Variants in SSH1 observed in about 807,000 individuals in gnomAD.
SSH1 encodes the protein slingshot protein phosphatase 1.
In SSH1, 43 loss-of-function variants were observed where a neutral mutation model predicts 79.7. The ratio of observed to expected loss-of-function variants is 0.54; its 90% CI spans 0.42 to 0.70. The LOEUF (loss-of-function observed/expected upper bound fraction) is 0.70, where lower values mean the gene tolerates loss of function less well. Among genes scored for constraint, SSH1 ranks in the 30% least tolerant of loss-of-function variants. The pLI is 0.00. For synonymous variants in SSH1, 599 were observed against 538.3 expected (o/e 1.11, Z -1.56); for missense variants, 1,206 against 1,358.8 (o/e 0.89, Z 1.77).
chr12:108,813,072 C>G (rs537942500), intron 5 of SSH1, among the ~76,000 whole-genome samples: 3 of 152,194 alleles, frequency 2.0e-5, no homozygotes, highest in African/African-American at 7.2e-5. Flanking sequence ...CACTATATTG[C>G]CCAGGCTGGT....
rs113106978 is a variant in SSH1, at chr12:108,851,659, C to T, written c.110+979G>A. The stretch of plus-strand genomic sequence containing the variant: ...GAAAAAACAAAAATGTTTTTGGTGT[C>T]CATTAGTGAATACATCAGCTGAGGA... On this transcript the variant is annotated intron_variant, in intron 2 of 14. Coordinates refer to ENST00000326495, the MANE Select transcript of SSH1 (RefSeq NM_018984.4). Among the ~76,000 whole-genome samples, 15 of 152,226 alleles carry T rather than the reference C, an allele frequency of 9.9e-5. 1 individual carries two copies. Among genetic ancestry groups the T allele is most frequent in the African/African-American group, 3.6e-4 (15 of 41,518 alleles).
Position 108,811,474 on chromosome 12 carries a change from T to A in SSH1, c.402-146A>T, listed in dbSNP as rs569888115. Reference sequence around the variant, plus strand: ...GCATAGGAACCGTTCACTGATGAATTCTAGAAGACACAGGTCTGGGATGGC... The same window carrying A: ...GCATAGGAACCGTTCACTGATGAATACTAGAAGACACAGGTCTGGGATGGC... On this transcript the variant is annotated intron_variant, in intron 5 of 14. Coordinates refer to ENST00000326495, the MANE Select transcript of SSH1 (RefSeq NM_018984.4). The A allele has an allele frequency of 4.1e-4, 304 of 740,028 alleles. 1 individual carries two copies. The African/African-American group carries it at 4.7e-3, about 12-fold the overall frequency. 45.8% of individuals were successfully genotyped at this position (740,028 alleles called of 1,614,324 possible). A position where few individuals can be genotyped will look rare whatever the true frequency, so the allele number is the denominator to read the frequency against.
chr12:108,823,292 G>T lies in SSH1; in HGVS notation c.180C>A (p.Gly60=). ...LFLQQGSSPQ[G]QRSLQHPHKH... The stretch of plus-strand genomic sequence containing the variant: ...TGTGGGGGTGCTGAAGACTCCGCTG[G>T]CCTTGAGGGCTGCTTCCCTGTTGTA... The change falls in exon 3 of 15, where the codon GGC becomes GGA. Residue 60 remains glycine (G), a synonymous_variant. Transcript: ENST00000326495. The T allele has an allele frequency of 6.3e-7, 1 of 1,590,088 alleles. No homozygotes were observed. Among genetic ancestry groups the T allele is most frequent in the Non-Finnish European group, 8.6e-7 (1 of 1,167,182 alleles).
At chr12:108,839,386 C>T (rs1265953039) in intron 2 of SSH1, among the ~76,000 whole-genome samples, 1 of 152,218 alleles carries the variant, frequency 6.6e-6, no homozygotes, top group Non-Finnish European at 1.5e-5. Context: ...CTGCAACAGA[C>T]ACAGCGTGGC....
rs565038904 is a variant in SSH1, at chr12:108,797,064, A to G, written c.1349+1936T>C. Among the ~76,000 whole-genome samples, 8 of 152,302 alleles carry G rather than the reference A, an allele frequency of 5.3e-5. No individual in the cohort carries two copies. The South Asian group carries it at 1.0e-3, about 20-fold the overall frequency. ...GCCCCTAATTTTCTGAAGAACCACCATACTGTTTTCCACAGCACCTGTACC... is the reference window on the plus strand; with the variant it reads ...GCCCCTAATTTTCTGAAGAACCACCGTACTGTTTTCCACAGCACCTGTACC... On this transcript the variant is annotated intron_variant, in intron 13 of 14. Transcript: ENST00000326495.
At chr12:108,849,254 T>A (rs1316303645) in intron 2 of SSH1, among the ~76,000 whole-genome samples, 1 of 152,278 alleles carries the variant, frequency 6.6e-6, no homozygotes, top group East Asian at 1.9e-4. Context: ...GACCTTTTAT[T>A]AGCAAGAAAA....
At chr12:108,809,644 G>T in intron 7 of SSH1, 49 bp downstream of exon 7, 5 of 1,522,414 alleles carry the variant, frequency 3.3e-6, no homozygotes, top group Non-Finnish European at 3.6e-6. Context: ...CATGCTGTCG[G>T]CTAAGAAAAT....
At chr12:108,791,971 T>G in intron 14 of SSH1, 1 of 1,312,616 alleles carries the variant, frequency 7.6e-7, no homozygotes, top group Non-Finnish European at 9.7e-7. Context: ...AAAAAGAAAT[T>G]GAGTTGGAAG....
At position 108,792,417 on chromosome 12, in the gene SSH1, C is replaced by T. The variant is rs1240198346; in HGVS notation, c.1762G>A (p.Glu588Lys). The T allele has an allele frequency of 1.2e-6, 2 of 1,614,218 alleles. No homozygotes were observed. The highest frequency in any genetic ancestry group is 1.7e-5 in the Admixed American group (1 of 60,030). The change falls in exon 14 of 15, where the codon GAG (glutamate) becomes AAG (lysine). Residue 588 changes from glutamate to lysine, a missense_variant. Glu to Lys is a moderately conservative substitution (Grantham distance 56). Around this residue, in one of 5 missense-constraint regions of SSH1, gnomAD observed 709 missense variants for 730.6 expected, o/e 0.97. Coordinates refer to ENST00000326495, the MANE Select transcript of SSH1 (RefSeq NM_018984.4). ...AGGCCCTCCTCCCTTTCCGTCTCCT[C>T]CACCTGCAGCAAGGAGCCGCTCCGA... ...KGRSGSLLQVEETEREEGLGA... is the reference protein window; with the variant it reads ...KGRSGSLLQVKETEREEGLGA...
At chr12:108,803,816 C>T (rs570589694) in intron 10 of SSH1, among the ~76,000 whole-genome samples, 2 of 152,154 alleles carry the variant, frequency 1.3e-5, no homozygotes, top group African/African-American at 2.4e-5. Flanking sequence ...CATGTACATA[C>T]ATTTTAATCA....
intron 1 of SSH1, 38 bp from the exon 2 acceptor site, chr12:108,852,716 C>G (rs780252792): frequency 2.5e-6 from 4 of 1,613,642 alleles, no homozygotes; most frequent in African/African-American, 1.3e-5. Flanking sequence ...CCACAGGCAC[C>G]ACTGTCAACA....
At position 108,792,587 on chromosome 12, in the gene SSH1, T is replaced by A; in HGVS notation, c.1592A>T (p.His531Leu). 6.2e-7 allele frequency: 1 copy of A among 1,612,828 alleles called. No homozygotes were observed. The highest frequency in any genetic ancestry group is 8.5e-7 in the Non-Finnish European group (1 of 1,179,230). Reference protein sequence around the residue: ...SPEDETGSLVHLEDPEREALL... With the variant: ...SPEDETGSLVLLEDPEREALL... The stretch of plus-strand genomic sequence containing the variant: ...AGCCTCCCTCTCCGGATCCTCCAGG[T>A]GGACCAAGCTGCCAGTTTCATCCTC... Residue 531 changes from histidine (H) to leucine (L), a missense_variant, in exon 14 of 15, where the codon CAC becomes CTC. Physicochemically the swap from His to Leu is moderately conservative, Grantham distance 99 (BLOSUM62 -3). Coordinates refer to ENST00000326495, the MANE Select transcript of SSH1 (RefSeq NM_018984.4).
chr12:108,812,498 G>A lies in SSH1; in HGVS notation c.402-1170C>T, dbSNP rs528391065. Among the ~76,000 whole-genome samples the A allele has an allele frequency of 5.3e-5, 8 of 152,342 alleles. No individual in the cohort carries two copies. In the South Asian group the frequency reaches 1.0e-3, roughly 20 times the overall value. On this transcript the variant is annotated intron_variant, in intron 5 of 14. Transcript: ENST00000326495. ...CAGAGAGCTGCAGAGAGCACAGGAC[G>A]GGGGCAGGGCCAAGGCCAGGCCTAG...
chr12:108,831,820 A>G (rs747886017), intron 2 of SSH1, among the ~76,000 whole-genome samples: 4 of 152,174 alleles, frequency 2.6e-5, no homozygotes, highest in African/African-American at 7.2e-5. Flanking sequence ...TCAGTTCCTT[A>G]TAAGTTTGGT....
intron 2 of SSH1, among the ~76,000 whole-genome samples, chr12:108,841,465 C>T (rs936126381): frequency 2.6e-5 from 4 of 152,196 alleles, no homozygotes; most frequent in Non-Finnish European, 1.5e-5. Context: ...TAACTCTTCA[C>T]GTCTCTGTCC....
chr12:108,806,211 T>C (rs1011248963), intron 9 of SSH1, 90 bp downstream of exon 9: 4 of 1,227,954 alleles, frequency 3.3e-6, no homozygotes, highest in Non-Finnish European at 4.8e-6. Context: ...GACAACCAGA[T>C]GTTGGGCCTG....
At chr12:108,846,669 C>T (rs2038905599) in intron 2 of SSH1, among the ~76,000 whole-genome samples, 1 of 152,214 alleles carries the variant, frequency 6.6e-6, no homozygotes, top group Non-Finnish European at 1.5e-5. Context: ...ACTGCTTCCT[C>T]CAAGTCTGTA....
At position 108,807,699 on chromosome 12, in the gene SSH1, TTGATGCAGCTCTGCTCGGAGC is replaced by T. The variant is rs2037357104; in HGVS notation, c.644_664del (p.Ser215_Ile221del). ...CAGGTCCTGCATGGCGTTCCACTCGTTGATGCAGCTCTGCTCGGAGCTGATGCAGCTCTCATAGTAGGTAGC... is the reference window on the plus strand; with the variant it reads ...CAGGTCCTGCATGGCGTTCCACTCGTTGATGCAGCTCTCATAGTAGGTAGC... On this transcript the variant is annotated inframe_deletion, in exon 8 of 15. Transcript: ENST00000326495. This position sits in a 1 kb window ranked among gnomAD's most constrained non-coding sequence, Gnocchi z 5.2. The T allele has an allele frequency of 6.2e-7, 1 of 1,613,262 alleles. No homozygotes were observed. The highest frequency in any genetic ancestry group is 1.1e-5 in the South Asian group (1 of 91,014).
chr12:108,799,352 T>G (rs2036889366), intron 12 of SSH1, 152 bp from the exon 13 acceptor site: 2 of 665,560 alleles, frequency 3.0e-6, no homozygotes, highest in South Asian at 3.8e-5. Context: ...TCCTACGTCT[T>G]AATGTTTACG....
Sources: gnomAD v4.1 joint callset for allele counts (sites outside exome capture counted in the v4.1 genomes callset) on GRCh38, gnomAD v4.1.1 for gene constraint, gnomAD v4.1.1 regional missense constraint, Gnocchi (gnomAD v3.1) non-coding constraint, MANE v1.5 for transcripts, NCBI Gene and HGNC (gene_info 2026-07-23, HGNC 2026-07-21) for gene names.